ASAP2: variants seen among roughly 807,000 people sequenced by gnomAD.
The protein encoded by ASAP2 is arf-GAP with SH3 domain, ANK repeat and PH domain-containing protein 2.
In ASAP2, 45 loss-of-function variants were observed where a neutral mutation model predicts 131.4. The ratio of observed to expected loss-of-function variants is 0.34; its 90% CI spans 0.27 to 0.44. The LOEUF is 0.44. Among genes scored for constraint, ASAP2 ranks in the 20% least tolerant of loss-of-function variants. The probability of loss-of-function intolerance (pLI) is 1.00; values close to 1 mark genes in which losing one functional copy is unlikely to be tolerated. For synonymous variants in ASAP2, 510 were observed against 503.0 expected (o/e 1.01, Z -0.19); for missense variants, 1,011 against 1,297.0 (o/e 0.78, Z 3.39).
intron 3 of ASAP2, among the ~76,000 whole-genome samples, chr2:9,304,038 G>A (rs1237720581): frequency 6.6e-6 from 1 of 152,174 alleles, no homozygotes; most frequent in Non-Finnish European, 1.5e-5. Context: ...GAAGACATGT[G>A]CCGGGACAGC....
Position 9,367,027 on chromosome 2 carries a change from A to ATTTTTTTTTTTTTTTT in ASAP2, c.1462-1395_1462-1380dup, listed in dbSNP as rs1171661319. Among the ~76,000 whole-genome samples the ATTTTTTTTTTTTTTTT allele has an allele frequency of 6.4e-3, 849 of 132,838 alleles. 35 individuals are homozygous for ATTTTTTTTTTTTTTTT. Among genetic ancestry groups the ATTTTTTTTTTTTTTTT allele is most frequent in the African/African-American group, 0.025 (804 of 32,234 alleles). The allele number at this position is 132,838 out of a possible 152,430, so 87.1% of individuals were successfully genotyped here. On this transcript the variant is annotated intron_variant, in intron 15 of 27. Transcript: ENST00000281419. ...GTTTGTTAACTCCTTTGCCTGCATA[A>ATTTTTTTTTTTTTTTT]TTTTTTTTTTTTTTTTTTGTAGAGA...
intron 5 of ASAP2, among the ~76,000 whole-genome samples, chr2:9,320,911 A>G (rs1670111185): frequency 6.6e-6 from 1 of 152,240 alleles, no homozygotes; most frequent in African/African-American, 2.4e-5. Flanking sequence ...AAGTCAACCA[A>G]TAGACAAGAC....
At chr2:9,400,877 G>A (rs771056918) in intron 26 of ASAP2, 47 bp downstream of exon 26, 282 of 1,569,520 alleles carry the variant, frequency 1.8e-4, no homozygotes, top group Non-Finnish European at 2.4e-4. Context: ...AGCCAGGGGG[G>A]TGCAGGTGGT....
chr2:9,400,920 C>T (rs1045688142), intron 26 of ASAP2, 90 bp downstream of exon 26: 30 of 1,312,938 alleles, frequency 2.3e-5, no homozygotes, highest in Non-Finnish European at 3.0e-5. Context: ...AAGTCTTCCC[C>T]TCTTCCCCTG....
chr2:9,271,453 G>T, intron 1 of ASAP2: 1 of 1,403,448 alleles, frequency 7.1e-7, no homozygotes, highest in Non-Finnish European at 1.0e-6. Context: ...CGCCTTCACT[G>T]GTTTCTTTTT....
chr2:9,357,356 G>A lies in ASAP2; in HGVS notation c.1327+1011G>A, dbSNP rs186160385. 1.3e-3 allele frequency among the ~76,000 whole-genome samples: 200 copies of A among 152,250 alleles called. 2 individuals carry two copies. The highest frequency in any genetic ancestry group is 4.5e-3 in the African/African-American group (188 of 41,542). Reference sequence around the variant, plus strand: ...TAGCCCGGCGTGGTAGTGCGCACATGTAGTCCCAGCTACATAGGAGGCTGA... The same window carrying A: ...TAGCCCGGCGTGGTAGTGCGCACATATAGTCCCAGCTACATAGGAGGCTGA... On this transcript the variant is annotated intron_variant, in intron 14 of 27. Transcript: ENST00000281419.
intron 2 of ASAP2, among the ~76,000 whole-genome samples, chr2:9,291,381 G>A (rs1307926964): frequency 6.6e-6 from 1 of 152,210 alleles, no homozygotes; most frequent in Non-Finnish European, 1.5e-5. Flanking sequence ...CCACTAAGTA[G>A]AGACCCTGTT....
chr2:9,259,559 A>C (rs1161485364), intron 1 of ASAP2, among the ~76,000 whole-genome samples: 1 of 77,100 alleles, frequency 1.3e-5, no homozygotes. Flanking sequence ...TTTTCAGCCC[A>C]AAACCTTAAG....
At chr2:9,394,128 G>T (rs1675931922) in intron 24 of ASAP2, among the ~76,000 whole-genome samples, 2 of 147,638 alleles carry the variant, frequency 1.4e-5, no homozygotes, top group Admixed American at 1.3e-4. Context: ...TCCAAATAAT[G>T]CCCCTTGTTG....
At chr2:9,352,451 A>G (rs1020948139) in intron 12 of ASAP2, among the ~76,000 whole-genome samples, 1 of 152,234 alleles carries the variant, frequency 6.6e-6, no homozygotes, top group Non-Finnish European at 1.5e-5. Context: ...AAGCAATAAT[A>G]GTGAACCTAT....
chr2:9,214,777 T>TAAAAA (rs34474684), intron 1 of ASAP2, among the ~76,000 whole-genome samples: 1 of 103,074 alleles, frequency 9.7e-6, no homozygotes, highest in Non-Finnish European at 2.1e-5. Flanking sequence ...CCTGGACGTC[T>TAAAAA]AAAAAAAAAA....
intron 1 of ASAP2, among the ~76,000 whole-genome samples, chr2:9,241,650 A>C (rs1001741055): frequency 6.6e-6 from 1 of 152,216 alleles, no homozygotes; most frequent in African/African-American, 2.4e-5. Flanking sequence ...TCAAACAACA[A>C]CAAAAAACTA....
chr2:9,207,048 G>A lies in ASAP2; in HGVS notation c.-57G>A, dbSNP rs890948438. ...CCGAGCGGCGGTCGGAGCCTGCTGC[G>A]GCAGTTGAGGCGGCGGCGCCCCTGC... On this transcript the variant is annotated 5_prime_UTR_variant, in exon 1 of 28. Coordinates refer to ENST00000281419, the MANE Select transcript of ASAP2 (RefSeq NM_003887.3). The surrounding 1 kb of genome is among the most constrained non-coding windows in gnomAD (Gnocchi z 4.1). The A allele has an allele frequency of 1.8e-5, 25 of 1,377,388 alleles. No individual in the cohort carries two copies. The highest frequency in any genetic ancestry group is 2.3e-5 in the Non-Finnish European group (24 of 1,052,908). 85.3% of individuals were successfully genotyped at this position (1,377,388 alleles called of 1,614,324 possible).
chr2:9,302,139 T>C lies in ASAP2; in HGVS notation c.345+4694T>C, dbSNP rs1256358990. Among the ~76,000 whole-genome samples, 96 of 137,460 alleles carry C rather than the reference T, an allele frequency of 7.0e-4. 1 individual carries two copies. Among genetic ancestry groups the C allele is most frequent in the East Asian group, 1.3e-3 (6 of 4,700 alleles). The allele number at this position is 137,460 out of a possible 152,430, so 90.2% of individuals were successfully genotyped here. The stretch of plus-strand genomic sequence containing the variant: ...CGCCCGGCCTTTTTTTTTTTTTTTT[T>C]CCCAAACACAGATGATGTGAGTTAG... On this transcript the variant is annotated intron_variant, in intron 3 of 27. Coordinates refer to ENST00000281419, the MANE Select transcript of ASAP2 (RefSeq NM_003887.3).
rs562951411 is a variant in ASAP2 at position 9,207,872 on chromosome 2, C to G, written c.126+642C>G. Among the ~76,000 whole-genome samples the G allele has an allele frequency of 2.6e-4, 40 of 152,308 alleles. No homozygotes were observed. The highest frequency in any genetic ancestry group is 1.2e-3 in the Admixed American group (18 of 15,304). ...TCCCCGGTTACCTGGGTCTCACCTG[C>G]TTGAACCCGGAATGCCGCCCTTCCC... On this transcript the variant is annotated intron_variant, in intron 1 of 27. Transcript: ENST00000281419. The surrounding 1 kb of genome is among the most constrained non-coding windows in gnomAD (Gnocchi z 4.1).
intron 11 of ASAP2, among the ~76,000 whole-genome samples, chr2:9,346,076 G>A (rs1221984905): frequency 6.6e-6 from 1 of 152,076 alleles, no homozygotes. Flanking sequence ...CTGGTCATGT[G>A]ATCACCACCG....
intron 1 of ASAP2, among the ~76,000 whole-genome samples, chr2:9,216,311 G>A (rs1662030958): frequency 6.7e-6 from 1 of 148,978 alleles, no homozygotes; most frequent in African/African-American, 2.5e-5. Context: ...TTCTGAGACA[G>A]GGTCTGGCTC....
At chr2:9,376,717 G>A (rs1182631357) in intron 17 of ASAP2, among the ~76,000 whole-genome samples, 191 bp from the exon 18 acceptor site, 3 of 152,196 alleles carry the variant, frequency 2.0e-5, no homozygotes, top group South Asian at 4.1e-4. Flanking sequence ...GAAACAGGAC[G>A]AATCTCCAAA....
At chr2:9,401,437 C>G in intron 27 of ASAP2, 41 bp downstream of exon 27, 1 of 1,602,506 alleles carries the variant, frequency 6.2e-7, no homozygotes, top group Non-Finnish European at 8.5e-7. Context: ...GGGGGCTGAG[C>G]CACGTCCCTG....
Sources: gnomAD v4.1 joint callset for allele counts (sites outside exome capture counted in the v4.1 genomes callset) on GRCh38, gnomAD v4.1.1 for gene constraint, Gnocchi (gnomAD v3.1) non-coding constraint, MANE v1.5 for transcripts, NCBI Gene and HGNC (gene_info 2026-07-23, HGNC 2026-07-21) for gene names.